The following LMO7 variants were observed in gnomAD, a reference collection of about 807,000 sequenced individuals.
LMO7 encodes the protein LIM domain 7.
In LMO7, 120 loss-of-function variants were observed where a neutral mutation model predicts 206.5. The observed-to-expected ratio is 0.58, with a 90% confidence interval of 0.50 to 0.68. LMO7 has a LOEUF of 0.68. LMO7 is among the 30% of genes least tolerant of loss of function. The pLI is 0.00. For synonymous variants in LMO7, 706 were observed against 681.5 expected (o/e 1.04, Z -0.56); for missense variants, 1,959 against 1,957.9 (o/e 1.00, Z -0.01).
chr13:75,715,016 G>A (rs948499818), intron 2 of LMO7, among the ~76,000 whole-genome samples: 7 of 152,090 alleles, frequency 4.6e-5, no homozygotes, highest in Non-Finnish European at 1.5e-5. Context: ...CATATATCTC[G>A]AATATATGAT....
In LMO7 at chr13:75,717,852, T is replaced by G. The variant is rs992927189; in HGVS notation, c.140+4600T>G. On this transcript the variant is annotated intron_variant, in intron 2 of 30. Transcript: ENST00000377534. ...TTTTTTCTTAGAGGTGTTTCTGGTT[T>G]TGAATTTCCTGAGGAGGACAGTTGC... 3.3e-5 allele frequency among the ~76,000 whole-genome samples: 5 copies of G among 152,346 alleles called. No individual in the cohort carries two copies. The South Asian group carries it at 1.0e-3, about 32-fold the overall frequency.
chr13:75,694,034 G>A (rs1298742858), intron 1 of LMO7, among the ~76,000 whole-genome samples: 2 of 151,864 alleles, frequency 1.3e-5, no homozygotes, highest in African/African-American at 2.4e-5. Context: ...AACTATTTAC[G>A]AATACTTACT....
intron 11 of LMO7, among the ~76,000 whole-genome samples, chr13:75,810,279 C>T (rs749922847): frequency 6.6e-6 from 1 of 152,196 alleles, no homozygotes; most frequent in Non-Finnish European, 1.5e-5. Flanking sequence ...TTAATCTGCT[C>T]AAGCCTCAGT....
chr13:75,734,123 T>C (rs985770413), intron 3 of LMO7, among the ~76,000 whole-genome samples: 1 of 152,178 alleles, frequency 6.6e-6, no homozygotes, highest in Admixed American at 6.6e-5. Context: ...GTCTTTCTCT[T>C]TGCCACAATA....
intron 1 of LMO7, among the ~76,000 whole-genome samples, chr13:75,702,103 C>A (rs1004570087): frequency 6.7e-6 from 1 of 149,024 alleles, no homozygotes; most frequent in African/African-American, 2.5e-5. Context: ...TAAACTTATT[C>A]TTTTTTTTTT....
chr13:75,672,600 T>C (rs1297670968), intron 1 of LMO7, among the ~76,000 whole-genome samples: 1 of 152,194 alleles, frequency 6.6e-6, no homozygotes, highest in African/African-American at 2.4e-5. Context: ...TTTGTAACAC[T>C]GGGCACAGGT....
At chr13:75,772,338 C>T (rs2049867699) in intron 4 of LMO7, among the ~76,000 whole-genome samples, 1 of 151,988 alleles carries the variant, frequency 6.6e-6, no homozygotes, top group African/African-American at 2.4e-5. Context: ...CTTTAAATAA[C>T]TAGTAGATGG....
At chr13:75,656,737 T>C (rs930305842) in intron 1 of LMO7, among the ~76,000 whole-genome samples, 2 of 152,134 alleles carry the variant, frequency 1.3e-5, no homozygotes, top group Non-Finnish European at 2.9e-5. Flanking sequence ...ATCAATTCAG[T>C]TGGCTATGTA....
intron 1 of LMO7, among the ~76,000 whole-genome samples, chr13:75,695,075 G>T (rs2041802996): frequency 6.6e-6 from 1 of 152,106 alleles, no homozygotes; most frequent in Admixed American, 6.5e-5. Flanking sequence ...CAACATTCAG[G>T]CAAGGATCTT....
chr13:75,723,818 G>T (rs902685694), intron 2 of LMO7, among the ~76,000 whole-genome samples: 1 of 152,128 alleles, frequency 6.6e-6, no homozygotes, highest in African/African-American at 2.4e-5. Flanking sequence ...TTGGGCTGCT[G>T]CTATATCAAG....
At chr13:75,675,635 A>G (rs1166632190) in intron 1 of LMO7, among the ~76,000 whole-genome samples, 1 of 152,204 alleles carries the variant, frequency 6.6e-6, no homozygotes, top group Non-Finnish European at 1.5e-5. Context: ...ATTCTGAACC[A>G]ACAAGACAAA....
chr13:75,822,422 A>G (rs1380602843), intron 14 of LMO7, among the ~76,000 whole-genome samples: 7 of 152,154 alleles, frequency 4.6e-5, no homozygotes, highest in Admixed American at 3.3e-4. Context: ...TAGTCAAAAG[A>G]CAATATATAG....
intron 4 of LMO7, among the ~76,000 whole-genome samples, chr13:75,767,756 G>A (rs1217132492): frequency 6.6e-6 from 1 of 152,088 alleles, no homozygotes; most frequent in Non-Finnish European, 1.5e-5. Flanking sequence ...ATCCGTGGTT[G>A]TGAACAGAAT....
chr13:75,851,968 A>T (rs1004787666), intron 27 of LMO7, among the ~76,000 whole-genome samples: 4 of 152,222 alleles, frequency 2.6e-5, no homozygotes, highest in Non-Finnish European at 5.9e-5. Context: ...GATTAAAAAA[A>T]AAATCTTAGT....
Position 75,840,102 on chromosome 13 carries a change from G to T in LMO7, c.3469G>T (p.Val1157Phe). Residue 1157 changes from valine (V) to phenylalanine (F), a missense_variant, in exon 21 of 31, where the codon GTT becomes TTT. Coordinates refer to ENST00000377534, the MANE Select transcript of LMO7 (RefSeq NM_001306080.2). Reference protein sequence around the residue: ...FFEQGSSDSVVPDLPVPTISA... With the variant: ...FFEQGSSDSVFPDLPVPTISA... ...CAACACAGGAAGCTCTGATTCGGTG[G>T]TTCCTGATGTAAGTAGCATTCATTT... is the stretch of plus-strand genomic sequence containing the variant. 1 of 1,613,852 alleles carries T rather than the reference G, an allele frequency of 6.2e-7. No homozygotes were observed.
intron 1 of LMO7, among the ~76,000 whole-genome samples, chr13:75,681,373 G>C (rs1185587539): frequency 6.6e-6 from 1 of 151,948 alleles, no homozygotes. Context: ...TAAACTTCTG[G>C]TAATATCAGT....
intron 4 of LMO7, among the ~76,000 whole-genome samples, chr13:75,777,706 G>A (rs1056529531): frequency 6.7e-6 from 1 of 149,796 alleles, no homozygotes; most frequent in African/African-American, 2.5e-5. Context: ...AGTGCAGTGG[G>A]GCGATCCCGG....
chr13:75,794,797 A>G (rs2053748016), intron 4 of LMO7, among the ~76,000 whole-genome samples: 1 of 152,152 alleles, frequency 6.6e-6, no homozygotes, highest in African/African-American at 2.4e-5. Flanking sequence ...CAAAAAACCC[A>G]TGATTCTTAT....
chr13:75,735,530 T>C (rs2138971783), intron 3 of LMO7, among the ~76,000 whole-genome samples: 1 of 152,300 alleles, frequency 6.6e-6, no homozygotes, highest in South Asian at 2.1e-4. Context: ...GGGGTGATCT[T>C]GGCTCCCTGC....
Sources: allele counts gnomAD v4.1 joint callset (sites outside exome capture counted in the v4.1 genomes callset), GRCh38; gene constraint gnomAD v4.1.1; transcripts MANE v1.5; gene names NCBI Gene and HGNC (gene_info 2026-07-23, HGNC 2026-07-21).